The following ABR variants were observed in gnomAD, a reference collection of about 807,000 sequenced individuals.
ABR encodes the protein ABR activator of RhoGEF and GTPase, also known as active breakpoint cluster region-related protein.
Under a neutral mutation model 107.2 loss-of-function variants are expected in ABR, and 35 were observed. The ratio of observed to expected loss-of-function variants is 0.33; its 90% CI spans 0.25 to 0.43. ABR has a LOEUF of 0.43. ABR is among the 20% of genes least tolerant of loss of function. ABR has a pLI of 1.00. For missense variants in ABR, 815 were observed against 1,115.2 expected (o/e 0.73, Z 3.83); for synonymous variants, 498 against 462.0 (o/e 1.08, Z -1.00).
chr17:1,217,428 G>A (rs904593384), intron 1 of ABR, among the ~76,000 whole-genome samples: 1 of 152,044 alleles, frequency 6.6e-6, no homozygotes, highest in African/African-American at 2.4e-5. Flanking sequence ...GTAACAGTGG[G>A]GATAATCATA....
At chr17:1,100,597 C>T (rs750520897) in intron 3 of ABR, 40 bp downstream of exon 3, 38 of 1,582,104 alleles carry the variant, frequency 2.4e-5, no homozygotes, top group South Asian at 4.4e-5. Context: ...CCAACACGGG[C>T]GGGGGGACCG....
rs140579744 is a variant in ABR at position 1,226,107 on chromosome 17, A to C, written c.838+2686T>G. On this transcript the variant is annotated intron_variant, in intron 1 of 22. Coordinates refer to the ABR transcript ENST00000574139. Reference sequence around the variant, plus strand: ...CTGGAGCTTGCGTTTGACTGGAGGGAGACAGTGAATAAGACCCACATGCAA... The same window carrying C: ...CTGGAGCTTGCGTTTGACTGGAGGGCGACAGTGAATAAGACCCACATGCAA... 2.9e-3 allele frequency among the ~76,000 whole-genome samples: 449 copies of C among 152,304 alleles called. 4 individuals carry two copies. The highest frequency in any genetic ancestry group is 9.8e-3 in the African/African-American group (407 of 41,548).
At position 1,092,904 on chromosome 17, in the gene ABR, C is replaced by CA. The variant is rs1555572357; in HGVS notation, c.346-1055_346-1054insT. Among the ~76,000 whole-genome samples, 4 of 145,364 alleles carry CA rather than the reference C, an allele frequency of 2.8e-5. No homozygotes were observed. Among genetic ancestry groups the CA allele is most frequent in the South Asian group, 2.3e-4 (1 of 4,416 alleles). ...GGAGTGCAGTGGTGCGATCTCGGCT[C>CA]CGCCTCCCGGGTTCACGCCATTCTC... On this transcript the variant is annotated intron_variant, in intron 3 of 22. Coordinates refer to ENST00000302538, the MANE Select transcript of ABR (RefSeq NM_021962.5). The surrounding 1 kb of genome is among the most constrained non-coding windows in gnomAD (Gnocchi z 4.6).
intron 1 of ABR, 34 bp from the exon 2 acceptor site, chr17:1,125,401 C>A: frequency 6.2e-7 from 1 of 1,608,092 alleles, no homozygotes; most frequent in Non-Finnish European, 8.5e-7. Context: ...CACTGAGAAT[C>A]CTCCACCAGA....
At chr17:1,100,831 ATT>A in intron 2 of ABR, 96 bp from the exon 3 acceptor site, 12 of 1,062,632 alleles carry the variant, frequency 1.1e-5, no homozygotes, top group Admixed American at 2.2e-5. Flanking sequence ...CCCGACCTTT[ATT>A]TTTTTTTTGA....
At chr17:1,190,615 G>A (rs535491968), upstream of ABR, among the ~76,000 whole-genome samples, 2 of 152,282 alleles carry the variant, frequency 1.3e-5, no homozygotes, top group Non-Finnish European at 2.9e-5. Flanking sequence ...ACTCCAGCCT[G>A]GGCAAGAGAG....
At chr17:1,106,116 AGGT>A (rs2038228224) in intron 2 of ABR, among the ~76,000 whole-genome samples, 1 of 152,164 alleles carries the variant, frequency 6.6e-6, no homozygotes, top group Non-Finnish European at 1.5e-5. Flanking sequence ...AACTCTTCAA[AGGT>A]AAGTCTGGGC....
chr17:1,162,706 T>C (rs574301969), intron 1 of ABR, among the ~76,000 whole-genome samples: 6 of 150,128 alleles, frequency 4.0e-5, no homozygotes, highest in African/African-American at 9.9e-5. Flanking sequence ...CCAAGCACAG[T>C]GGCTCACACC....
Position 1,005,770 on chromosome 17 carries a change from C to T in ABR, c.*310G>A, listed in dbSNP as rs2069977124. 3 of 419,672 alleles carry T rather than the reference C, an allele frequency of 7.1e-6. No individual in the cohort carries two copies. The highest frequency in any genetic ancestry group is 7.2e-4 in the Middle Eastern group (1 of 1,386). The allele number at this position is 419,672 out of a possible 1,614,324, so 26.0% of individuals were successfully genotyped here. Reference sequence around the variant, plus strand: ...ACAAAGCGGGCTGTCTGTGTGCCCACGCCGGGCCGGTCACTACCTTTTCTG... The same window carrying T: ...ACAAAGCGGGCTGTCTGTGTGCCCATGCCGGGCCGGTCACTACCTTTTCTG... On this transcript the variant is annotated 3_prime_UTR_variant, in exon 23 of 23. Coordinates refer to ENST00000302538, the MANE Select transcript of ABR (RefSeq NM_021962.5).
chr17:1,178,634 G>C (rs1168814691), intron 1 of ABR, among the ~76,000 whole-genome samples: 1 of 151,834 alleles, frequency 6.6e-6, no homozygotes, highest in Non-Finnish European at 1.5e-5. Flanking sequence ...GGCTGAACCA[G>C]GCTCCACGTG....
At position 1,021,199 on chromosome 17, in the gene ABR, C is replaced by T. The variant is rs140502273; in HGVS notation, c.1792-8035G>A. Among the ~76,000 whole-genome samples the T allele has an allele frequency of 3.6e-4, 55 of 152,310 alleles. No individual in the cohort carries two copies. In the East Asian group the frequency reaches 5.6e-3, roughly 16 times the overall value. Reference sequence around the variant, plus strand: ...GAGGTCCCAAGCAGCCTTCAGTGGACGCCACTCAGGACGTGATCCAGGGGC... The same window carrying T: ...GAGGTCCCAAGCAGCCTTCAGTGGATGCCACTCAGGACGTGATCCAGGGGC... On this transcript the variant is annotated intron_variant, in intron 16 of 22. Transcript: ENST00000302538.
intron 6 of ABR, among the ~76,000 whole-genome samples, chr17:1,077,339 C>A (rs1050047288): frequency 3.9e-5 from 6 of 152,212 alleles, no homozygotes; most frequent in African/African-American, 1.4e-4. Flanking sequence ...GCAACGTGAA[C>A]TCCAGGTCCC....
intron 16 of ABR, chr17:1,031,674 T>C: frequency 2.4e-6 from 3 of 1,255,940 alleles, no homozygotes; most frequent in South Asian, 5.7e-5. Context: ...GCTCCCCGAC[T>C]CCTCCAGCGC....
At chr17:1,128,258 C>A (rs1475704286) in intron 1 of ABR, among the ~76,000 whole-genome samples, 1 of 152,206 alleles carries the variant, frequency 6.6e-6, no homozygotes, top group Non-Finnish European at 1.5e-5. Flanking sequence ...AGGCAGGAAC[C>A]CTGGGGGAGG....
At chr17:1,058,627 T>A in intron 11 of ABR, 118 bp downstream of exon 11, 3 of 1,332,554 alleles carry the variant, frequency 2.3e-6, no homozygotes, top group South Asian at 3.0e-5. Context: ...CATGGCAGCC[T>A]CCTCAGGAAG....
At chr17:1,149,093 C>G (rs1334872066) in intron 1 of ABR, among the ~76,000 whole-genome samples, 1 of 151,780 alleles carries the variant, frequency 6.6e-6, no homozygotes, top group Non-Finnish European at 1.5e-5. Flanking sequence ...TTAGTAGAGA[C>G]GGGGTTTCAC....
intron 16 of ABR, among the ~76,000 whole-genome samples, chr17:1,035,624 C>T (rs1837612384): frequency 6.8e-5 from 1 of 14,648 alleles, no homozygotes; most frequent in African/African-American, 4.0e-4. Flanking sequence ...CTCCCCCCAC[C>T]CCTTCCATCC....
At chr17:1,057,305 GGTTTGTGTGTGTGTGTGTGT>G (rs756534214) in intron 12 of ABR, among the ~76,000 whole-genome samples, 25,651 of 136,216 alleles carry the variant, frequency 0.19, 3,753 homozygotes, top group Middle Eastern at 0.24. Context: ...TAACTGAAGA[GGTTTGTGTGTGTGTGTGTGT>G]GTGTGTGTGT....
chr17:1,066,636 C>T (rs567979651), intron 10 of ABR, among the ~76,000 whole-genome samples: 4 of 152,102 alleles, frequency 2.6e-5, no homozygotes, highest in East Asian at 1.9e-4. Flanking sequence ...TCAAGCCATT[C>T]TACTGCCTCA....
Sources: gnomAD v4.1 joint callset for allele counts (sites outside exome capture counted in the v4.1 genomes callset) on GRCh38, gnomAD v4.1.1 for gene constraint, Gnocchi (gnomAD v3.1) non-coding constraint, MANE v1.5 for transcripts, NCBI Gene and HGNC (gene_info 2026-07-23, HGNC 2026-07-21) for gene names.